The following RNF150 variants were observed in gnomAD, a reference collection of about 807,000 sequenced individuals.
RNF150 encodes the protein ring finger protein 150.
In RNF150, 24 loss-of-function variants were observed where a neutral mutation model predicts 39.3. The observed-to-expected ratio is 0.61, with a 90% CI of 0.44 to 0.86. RNF150 has a LOEUF of 0.86. RNF150 is among the 40% of genes least tolerant of loss of function. The probability of loss-of-function intolerance (pLI) is 0.00; values close to 1 mark genes in which losing one functional copy is unlikely to be tolerated. For missense variants in RNF150, 502 were observed against 587.8 expected, an observed-to-expected ratio of 0.85 and a Z score of 1.51; for synonymous variants, 255 against 227.3, an observed-to-expected ratio of 1.12 and a Z score of -1.10.
intron 1 of RNF150, among the ~76,000 whole-genome samples, chr4:141,101,834 T>G (rs763905297): frequency 6.6e-6 from 1 of 152,172 alleles, no homozygotes; most frequent in African/African-American, 2.4e-5. Context: ...CGGGCTGGAG[T>G]GCAGTGGCAC....
Position 141,181,346 on chromosome 4 carries a change from A to G in RNF150, c.-6+31448T>C, listed in dbSNP as rs968639466. Among the ~76,000 whole-genome samples the G allele has an allele frequency of 3.3e-5, 5 of 152,352 alleles. No individual in the cohort carries two copies. In the East Asian group the frequency reaches 9.6e-4, roughly 29 times the overall value. ...TAGCCTTTCACATGAAAGAAAGAAA[A>G]TAGAATCCATATAATATTCCTGTAA... On this transcript the variant is annotated intron_variant, in intron 1 of 7. Transcript: ENST00000420921.
intron 5 of RNF150, among the ~76,000 whole-genome samples, chr4:140,920,988 G>A (rs1731101214): frequency 6.6e-6 from 1 of 151,566 alleles, no homozygotes; most frequent in African/African-American, 2.4e-5. Context: ...ATTGAACACT[G>A]AGAATACATG....
At chr4:141,206,866 A>C (rs1250828190) in intron 1 of RNF150, among the ~76,000 whole-genome samples, 2 of 152,104 alleles carry the variant, frequency 1.3e-5, no homozygotes, top group Non-Finnish European at 2.9e-5. Context: ...CAAGGAAGCC[A>C]GTAGTGCAGC....
intron 1 of RNF150, among the ~76,000 whole-genome samples, chr4:141,073,581 C>G (rs1737784671): frequency 6.6e-6 from 1 of 151,842 alleles, no homozygotes. Flanking sequence ...ACTCACAATA[C>G]TTATTATTAC....
intron 1 of RNF150, among the ~76,000 whole-genome samples, chr4:141,173,971 GAT>G (rs1353851432): frequency 6.6e-6 from 1 of 152,136 alleles, no homozygotes; most frequent in Admixed American, 6.5e-5. Context: ...AGTTTATGTG[GAT>G]ATGTTTCTAC....
At chr4:141,040,112 C>T (rs1362543495) in intron 1 of RNF150, among the ~76,000 whole-genome samples, 5 of 152,044 alleles carry the variant, frequency 3.3e-5, no homozygotes, top group South Asian at 4.1e-4. Context: ...GTTTGGTGAT[C>T]TCTCTCGATT....
intron 6 of RNF150, among the ~76,000 whole-genome samples, chr4:140,890,173 T>C (rs772547581): frequency 1.3e-5 from 2 of 152,188 alleles, no homozygotes; most frequent in Non-Finnish European, 2.9e-5. Flanking sequence ...ACAAGTTACA[T>C]AATGTTTTGT....
At chr4:141,098,561 T>C (rs1030539553) in intron 1 of RNF150, among the ~76,000 whole-genome samples, 2 of 152,192 alleles carry the variant, frequency 1.3e-5, no homozygotes, top group Admixed American at 6.5e-5. Flanking sequence ...GAATCTCCAA[T>C]TTTCCTTATC....
At chr4:140,999,727 G>C (rs1734504394) in intron 1 of RNF150, among the ~76,000 whole-genome samples, 2 of 151,890 alleles carry the variant, frequency 1.3e-5, no homozygotes, top group South Asian at 4.2e-4. Context: ...CTGAGGTCAG[G>C]AGTTTGAGAC....
At chr4:141,191,674 CACAT>C (rs749192073) in intron 1 of RNF150, among the ~76,000 whole-genome samples, 36 of 152,322 alleles carry the variant, frequency 2.4e-4, no homozygotes, top group Non-Finnish European at 5.0e-4. Context: ...AATTCATACA[CACAT>C]AAATATACTT....
chr4:141,078,862 T>TAC (rs1259297495), intron 1 of RNF150, among the ~76,000 whole-genome samples: 126 of 144,896 alleles, frequency 8.7e-4, no homozygotes, highest in African/African-American at 2.8e-3. Context: ...CATACATACA[T>TAC]ATATATATAC....
intron 1 of RNF150, among the ~76,000 whole-genome samples, chr4:141,070,231 C>A (rs1737638097): frequency 6.6e-6 from 1 of 152,166 alleles, no homozygotes; most frequent in Non-Finnish European, 1.5e-5. Flanking sequence ...AAAATCAATT[C>A]AAAATGGATT....
intron 1 of RNF150, among the ~76,000 whole-genome samples, chr4:141,085,788 T>C (rs1738340917): frequency 6.6e-6 from 1 of 151,978 alleles, no homozygotes; most frequent in African/African-American, 2.4e-5. Context: ...GACTAAAAGG[T>C]GTAATGAGAA....
chr4:141,188,654 G>A (rs13113750), intron 1 of RNF150, among the ~76,000 whole-genome samples: 29,962 of 152,012 alleles, frequency 0.2, 3,287 homozygotes, highest in South Asian at 0.34. Flanking sequence ...ATTGATACTT[G>A]TGTACACTTC....
Position 141,132,452 on chromosome 4 carries a change from G to C in RNF150, c.357C>G (p.Ala119=), listed in dbSNP as rs1253760621. The C allele has an allele frequency of 6.2e-7, 1 of 1,610,690 alleles. No homozygotes were observed. The highest frequency in any genetic ancestry group is 8.5e-7 in the Non-Finnish European group (1 of 1,178,950). Reference sequence around the variant, plus strand: ...ACGTGCAGTTGCCCTTGGGGATGAGGGCTATCCAGTTCTTGCCGCGGGTCG... The same window carrying C: ...ACGTGCAGTTGCCCTTGGGGATGAGCGCTATCCAGTTCTTGCCGCGGGTCG... ...AAPTRGKNWI[A]LIPKGNCTYR... The change falls in exon 1 of 7, where the codon GCC becomes GCG. Residue 119 remains alanine, a synonymous_variant. Transcript: ENST00000515673. The surrounding 1 kb of genome is among the most constrained non-coding windows in gnomAD (Gnocchi z 4.9).
chr4:141,207,516 A>T (rs916673642), intron 1 of RNF150, among the ~76,000 whole-genome samples: 2 of 152,156 alleles, frequency 1.3e-5, no homozygotes, highest in Admixed American at 1.3e-4. Flanking sequence ...CCTGGATGAC[A>T]GTCAGCACAG....
rs1560678529 is a variant in RNF150, at chr4:140,999,969, G to GAAGAAGAAGAAGAAAAGAAGAA, written c.485-32097_485-32096insTTCTTCTTTTCTTCTTCTTCTT. 1.6e-4 allele frequency among the ~76,000 whole-genome samples: 5 copies of GAAGAAGAAGAAGAAAAGAAGAA among 31,004 alleles called. 1 individual carries two copies. The highest frequency in any genetic ancestry group is 3.4e-4 in the African/African-American group (5 of 14,640). The allele number at this position is 31,004 out of a possible 152,430, so 20.3% of individuals were successfully genotyped here. A position where few individuals can be genotyped will look rare whatever the true frequency, so the allele number is the denominator to read the frequency against. On this transcript the variant is annotated intron_variant, in intron 1 of 6. Transcript: ENST00000515673. ...AGAAGAAGAAGAAGAAGAAGAAGAA[G>GAAGAAGAAGAAGAAAAGAAGAA]AAGAAGAAAAGAAGAAAAGAAGAAA...
At chr4:140,887,369 C>T (rs941275272) in intron 6 of RNF150, among the ~76,000 whole-genome samples, 4 of 152,144 alleles carry the variant, frequency 2.6e-5, no homozygotes, top group Admixed American at 6.5e-5. Flanking sequence ...GTGCACTATA[C>T]GCTATGCCAG....
At chr4:141,156,129 A>G (rs1409844117) in intron 1 of RNF150, among the ~76,000 whole-genome samples, 1 of 152,006 alleles carries the variant, frequency 6.6e-6, no homozygotes, top group Non-Finnish European at 1.5e-5. Context: ...TGGACCTTCC[A>G]TCCCATCATG....
Sources: allele counts gnomAD v4.1 joint callset (sites outside exome capture counted in the v4.1 genomes callset), GRCh38; gene constraint gnomAD v4.1.1; non-coding constraint Gnocchi (gnomAD v3.1); transcripts MANE v1.5; gene names NCBI Gene and HGNC (gene_info 2026-07-23, HGNC 2026-07-21).